The following ENDOV variants were observed in gnomAD, a reference collection of about 807,000 sequenced individuals.
ENDOV encodes hEndoV.
In ENDOV, 37 loss-of-function variants were observed where a neutral mutation model predicts 39.4. That is an observed-to-expected ratio of 0.94 (90% CI 0.72 to 1.23). ENDOV has a LOEUF of 1.23. ENDOV is among the 50% of genes most tolerant of loss of function. ENDOV has a pLI of 0.00. For missense variants in ENDOV, 441 were observed against 375.7 expected, an observed-to-expected ratio of 1.17 and a Z score of -1.44; for synonymous variants, 186 against 163.4, an observed-to-expected ratio of 1.14 and a Z score of -1.05.
At chr17:80,429,328 C>G (rs1478836646) in intron 8 of ENDOV, among the ~76,000 whole-genome samples, 1 of 152,230 alleles carries the variant, frequency 6.6e-6, no homozygotes, top group Non-Finnish European at 1.5e-5. Flanking sequence ...TTCCTCTTCT[C>G]TCAGTGTGGG....
chr17:80,415,423 GC>G (rs1568198058), intron 1 of ENDOV, 173 bp downstream of exon 1: 1 of 1,004,392 alleles, frequency 1.0e-6, no homozygotes, highest in African/African-American at 1.6e-5. Flanking sequence ...ATTGTAGTCC[GC>G]GGGGTGGGCG....
intron 8 of ENDOV, among the ~76,000 whole-genome samples, chr17:80,429,202 G>T (rs1191795776): frequency 6.6e-6 from 1 of 152,238 alleles, no homozygotes; most frequent in Non-Finnish European, 1.5e-5. Flanking sequence ...CATTGCAGAT[G>T]GTTTGATCCT....
At chr17:80,424,572 G>C (rs537129744) in intron 5 of ENDOV, among the ~76,000 whole-genome samples, 10 of 152,198 alleles carry the variant, frequency 6.6e-5, no homozygotes, top group Non-Finnish European at 1.3e-4. Context: ...GCTCAGTGTC[G>C]TCTCAGGTGG....
At chr17:80,427,174 T>C (rs573391372) in intron 7 of ENDOV, among the ~76,000 whole-genome samples, 2 of 152,340 alleles carry the variant, frequency 1.3e-5, no homozygotes, top group South Asian at 2.1e-4. Flanking sequence ...CACAGGTGTG[T>C]GGACTCTCAA....
At position 80,415,876 on chromosome 17, in the gene ENDOV, C is replaced by T; in HGVS notation, c.228+55C>T. 9 of 1,543,574 alleles carry T rather than the reference C, an allele frequency of 5.8e-6. No individual in the cohort carries two copies. The East Asian group carries it at 1.5e-4, about 25-fold the overall frequency. On this transcript the variant is annotated intron_variant, in intron 2 of 9. Coordinates refer to ENST00000518137, the MANE Select transcript of ENDOV (RefSeq NM_173627.5). ...GGGCCCCTCGGTGGGCTCGGGCGTG[C>T]GGTCTCCGGGACAGGGAGCAGTGCA...
intron 1 of ENDOV, 52 bp downstream of exon 1, chr17:80,415,302 T>C: frequency 6.3e-7 from 1 of 1,593,476 alleles, no homozygotes; most frequent in African/African-American, 1.3e-5. Context: ...CGGGCGGCCC[T>C]TCGCGGACCC....
At chr17:80,435,945 G>A (rs1307952696) in intron 9 of ENDOV, among the ~76,000 whole-genome samples, 188 bp from the exon 10 acceptor site, 1 of 152,058 alleles carries the variant, frequency 6.6e-6, no homozygotes, top group African/African-American at 2.4e-5. Flanking sequence ...TGTAAAGACA[G>A]GGTCTCACCA....
At chr17:80,428,748 G>C in intron 8 of ENDOV, 88 bp downstream of exon 8, 2 of 1,312,286 alleles carry the variant, frequency 1.5e-6, no homozygotes, top group Non-Finnish European at 2.1e-6. Flanking sequence ...TCTCCTTGTT[G>C]CAATATTGTG....
chr17:80,422,710 T>G (rs2082207581), intron 4 of ENDOV, among the ~76,000 whole-genome samples: 1 of 152,024 alleles, frequency 6.6e-6, no homozygotes, highest in African/African-American at 2.4e-5. Context: ...ATGGGCTCTT[T>G]TTTTTTTGAG....
At chr17:80,429,959 C>A in intron 9 of ENDOV, 128 bp downstream of exon 9, 2 of 1,561,854 alleles carry the variant, frequency 1.3e-6, no homozygotes, top group South Asian at 2.3e-5. Flanking sequence ...AGAAGGCCAC[C>A]GGCCACCCCG....
chr17:80,430,405 A>C (rs1418838952), intron 9 of ENDOV: 1 of 1,486,818 alleles, frequency 6.7e-7, no homozygotes, highest in African/African-American at 1.4e-5. Context: ...ATTTCCATTG[A>C]TCTCTTTACC....
rs540118102 is a variant in ENDOV, at chr17:80,431,891, G to A, written c.838+2060G>A. On this transcript the variant is annotated intron_variant, in intron 9 of 9. Coordinates refer to ENST00000518137, the MANE Select transcript of ENDOV (RefSeq NM_173627.5). The stretch of plus-strand genomic sequence containing the variant: ...GAACTCAGGCCAGTGTGGGGAGAGT[G>A]TCCCCAGAGAGTCCTTGGGGTGGGA... Among the ~76,000 whole-genome samples, 33 of 152,364 alleles carry A rather than the reference G, an allele frequency of 2.2e-4. 1 individual carries two copies. In the South Asian group the frequency reaches 6.4e-3, roughly 30 times the overall value.
intron 9 of ENDOV, among the ~76,000 whole-genome samples, chr17:80,430,909 G>A (rs8081162): frequency 0.13 from 19,099 of 152,194 alleles, 1,199 homozygotes; most frequent in Middle Eastern, 0.18. Context: ...TGGGCTAGAG[G>A]CGCCAGCTGA....
In ENDOV at chr17:80,423,624, A is replaced by G. The variant is rs1032740034; in HGVS notation, c.508A>G (p.Lys170Glu). Residue 170 changes from lysine to glutamate, a missense_variant, in exon 5 of 10, where the codon AAG becomes GAG. Transcript: ENST00000518137. ...TGGGCTGGAGAACAACGCCCTGCAC[A>G]AGGAGAAGGTGAGGAGGGGCCTGCT... ...VDGLENNALHKEKIRLLQTRG... is the reference protein window; with the variant it reads ...VDGLENNALHEEKIRLLQTRG... 1.9e-6 allele frequency: 3 copies of G among 1,551,230 alleles called. No individual in the cohort carries two copies. In the Admixed American group the frequency reaches 5.9e-5, roughly 30 times the overall value.
At chr17:80,430,755 G>T (rs1314417597) in intron 9 of ENDOV, among the ~76,000 whole-genome samples, 3 of 152,214 alleles carry the variant, frequency 2.0e-5, no homozygotes, top group Non-Finnish European at 4.4e-5. Flanking sequence ...AGGATCGGGG[G>T]TGGCACCGTC....
At chr17:80,427,755 C>T (rs1371727487) in intron 7 of ENDOV, 7 of 1,289,214 alleles carry the variant, frequency 5.4e-6, no homozygotes, top group Admixed American at 2.3e-5. Context: ...CCGCGCCGGG[C>T]CGTCTTGGTG....
At position 80,429,760 on chromosome 17, in the gene ENDOV, A is replaced by G. The variant is rs753372969; in HGVS notation, c.780-13A>G. On this transcript the variant is annotated splice_polypyrimidine_tract_variant and intron_variant, in intron 8 of 9. Transcript: ENST00000518137. ...AGCATCTGATGCTGTCCCTTTCTCAATGTCATCACCAGGAGCCCGAAGGCG... is the reference window on the plus strand; with the variant it reads ...AGCATCTGATGCTGTCCCTTTCTCAGTGTCATCACCAGGAGCCCGAAGGCG... 42 of 1,594,986 alleles carry G rather than the reference A, an allele frequency of 2.6e-5. No homozygotes were observed. In the East Asian group the frequency reaches 2.7e-4, roughly 10 times the overall value.
At chr17:80,416,540 C>T (rs2081212755) in intron 2 of ENDOV, among the ~76,000 whole-genome samples, 1 of 152,198 alleles carries the variant, frequency 6.6e-6, no homozygotes, top group Non-Finnish European at 1.5e-5. Flanking sequence ...TGCTCCTTCC[C>T]TGGCTGTGCC....
At chr17:80,433,288 G>A in intron 9 of ENDOV, 1 of 508,238 alleles carries the variant, frequency 2.0e-6, no homozygotes, top group Non-Finnish European at 3.9e-6. Context: ...GGTGAAGTGT[G>A]TAAGGGCTCA....
Sources: allele counts gnomAD v4.1 joint callset (sites outside exome capture counted in the v4.1 genomes callset), GRCh38; gene constraint gnomAD v4.1.1; transcripts MANE v1.5; gene names NCBI Gene and HGNC (gene_info 2026-07-23, HGNC 2026-07-21).